The following PCDHA3 variants were observed in gnomAD, a reference collection of about 807,000 sequenced individuals.
PCDHA3 encodes protocadherin alpha-3.
Under a neutral mutation model 62.2 loss-of-function variants are expected in PCDHA3, and 41 were observed. That is an observed-to-expected ratio of 0.66 (90% CI 0.51 to 0.86). The LOEUF (loss-of-function observed/expected upper bound fraction) is 0.86, where lower values mean the gene tolerates loss of function less well. Ranked by LOEUF, PCDHA3 falls within the 40% of genes least tolerant of loss-of-function variation. PCDHA3 has a pLI of 0.00. For missense variants in PCDHA3, 1,304 were observed against 1,241.2 expected (o/e 1.05, Z -0.76); for synonymous variants, 640 against 555.4 (o/e 1.15, Z -2.14).
At position 140,828,520 on chromosome 5, in the gene PCDHA3, C is replaced by T. The variant is rs2150156351; in HGVS notation, c.2394+24929C>T. On this transcript the variant is annotated intron_variant, in intron 1 of 3. Coordinates refer to ENST00000522353, the MANE Select transcript of PCDHA3 (RefSeq NM_018906.3). ...TAGAGGAACAAAGAGTGCTGATTTA[C>T]GAATCTAGGCTGCCAGATTCTGTGT... 3.1e-6 allele frequency: 5 copies of T among 1,614,196 alleles called. No individual in the cohort carries two copies. In the African/African-American group the frequency reaches 4.0e-5, roughly 13 times the overall value.
At chr5:140,841,297 T>A (rs2150312765) in intron 1 of PCDHA3, 1 of 1,566,194 alleles carries the variant, frequency 6.4e-7, no homozygotes, top group South Asian at 1.2e-5. Flanking sequence ...AGATAATATT[T>A]TCTGATAGGA....
At chr5:140,997,911 C>T (rs2097790216) in intron 3 of PCDHA3, among the ~76,000 whole-genome samples, 1 of 152,120 alleles carries the variant, frequency 6.6e-6, no homozygotes, top group East Asian at 1.9e-4. Context: ...AGTAGAATTA[C>T]AGAATCATAG....
rs116160554 is a variant in PCDHA3, at chr5:140,845,319, C to A, written c.2394+41728C>A. Among the ~76,000 whole-genome samples the A allele has an allele frequency of 3.7e-3, 557 of 149,574 alleles. 34 individuals carry two copies. Among genetic ancestry groups the A allele is most frequent in the African/African-American group, 0.011 (448 of 40,946 alleles). ...ATGTCTACCTGGTTCTCAGGTATTA[C>A]TTTAATTACTGAATTCTCCTAAACA... On this transcript the variant is annotated intron_variant, in intron 1 of 3. Coordinates refer to ENST00000522353, the MANE Select transcript of PCDHA3 (RefSeq NM_018906.3).
chr5:140,995,709 G>C (rs1279829164), intron 3 of PCDHA3, among the ~76,000 whole-genome samples: 6 of 152,162 alleles, frequency 3.9e-5, no homozygotes, highest in African/African-American at 1.4e-4. Flanking sequence ...GCTGGGCTTG[G>C]AAATGTTCTT....
rs549701659 is a variant in PCDHA3 at position 140,937,333 on chromosome 5, G to C, written c.2395-41616G>C. On this transcript the variant is annotated intron_variant, in intron 1 of 3. Transcript: ENST00000522353. ...ATTACAGGCGTGAGCCACCGCGCCCGGCTTCTTCCATTTATTTTATTATTT... is the reference window on the plus strand; with the variant it reads ...ATTACAGGCGTGAGCCACCGCGCCCCGCTTCTTCCATTTATTTTATTATTT... Among the ~76,000 whole-genome samples the C allele has an allele frequency of 2.8e-3, 423 of 151,952 alleles. 2 individuals carry two copies. Among genetic ancestry groups the C allele is most frequent in the Middle Eastern group, 0.014 (4 of 294 alleles).
intron 1 of PCDHA3, chr5:140,825,350 T>C (rs548495464): frequency 2.0e-5 from 3 of 147,632 alleles, no homozygotes; most frequent in Non-Finnish European, 4.5e-5. Flanking sequence ...ATATATCTAA[T>C]ATATATTAGA....
intron 1 of PCDHA3, chr5:140,877,134 C>T (rs1339173132): frequency 1.4e-5 from 22 of 1,613,594 alleles, no homozygotes; most frequent in Non-Finnish European, 1.8e-5. Flanking sequence ...TGCAGGTGTT[C>T]GTGCTGGACG....
intron 3 of PCDHA3, among the ~76,000 whole-genome samples, chr5:140,985,279 A>G (rs1168353248): frequency 1.3e-5 from 2 of 152,150 alleles, no homozygotes; most frequent in Non-Finnish European, 2.9e-5. Context: ...CTTTTCTGCA[A>G]TCTATGATAT....
intron 1 of PCDHA3, among the ~76,000 whole-genome samples, chr5:140,977,127 C>T (rs1197401904): frequency 6.6e-6 from 1 of 152,168 alleles, no homozygotes; most frequent in East Asian, 1.9e-4. Flanking sequence ...AACTGAGTTT[C>T]CTGGTCAGTC....
In PCDHA3 at chr5:140,801,791, A is replaced by G; in HGVS notation, c.594A>G (p.Lys198=). 1 of 1,614,032 alleles carries G rather than the reference A, an allele frequency of 6.2e-7. No individual in the cohort carries two copies. The highest frequency in any genetic ancestry group is 8.5e-7 in the Non-Finnish European group (1 of 1,180,014). Residue 198 remains lysine (K), a synonymous_variant, in exon 1 of 4, where the codon AAA becomes AAG. Coordinates refer to ENST00000522353, the MANE Select transcript of PCDHA3 (RefSeq NM_018906.3). ...AATCCCTTGGACTCGTGTTGAAAAA[A>G]AATTTAAATCGAGAGGACACTCCTA... ...EIKSLGLVLK[K]NLNREDTPKH...
intron 1 of PCDHA3, chr5:140,870,012 C>T (rs2051581500): frequency 6.2e-7 from 1 of 1,613,354 alleles, no homozygotes; most frequent in African/African-American, 1.3e-5. Context: ...AAGTGAGGGT[C>T]AATGGAACTT....
intron 1 of PCDHA3, chr5:140,926,768 C>T: frequency 2.2e-6 from 3 of 1,361,764 alleles, no homozygotes; most frequent in Non-Finnish European, 2.9e-6. Context: ...GTATCCAGCC[C>T]GCAGCAGTGA....
In PCDHA3 at chr5:140,835,797, T is replaced by C. The variant is rs145155815; in HGVS notation, c.2394+32206T>C. ...CGTGAAGGAGAACAACCCGCCGGGC[T>C]GCCACATCTTCACTGTGTCGGCGGG... On this transcript the variant is annotated intron_variant, in intron 1 of 3. Coordinates refer to ENST00000522353, the MANE Select transcript of PCDHA3 (RefSeq NM_018906.3). 2.2e-3 allele frequency: 3,620 copies of C among 1,613,086 alleles called. 43 individuals carry two copies. Among genetic ancestry groups the C allele is most frequent in the Middle Eastern group, 8.4e-3 (47 of 5,592 alleles).
At chr5:140,824,186 A>G in intron 1 of PCDHA3, 1 of 1,603,756 alleles carries the variant, frequency 6.2e-7, no homozygotes, top group Non-Finnish European at 8.5e-7. Flanking sequence ...ATTAAATGTC[A>G]CATTCACCCA....
chr5:140,913,531 A>T (rs1451484656), intron 1 of PCDHA3, among the ~76,000 whole-genome samples: 1 of 151,914 alleles, frequency 6.6e-6, no homozygotes, highest in Admixed American at 6.6e-5. Flanking sequence ...TTTTCAAAAG[A>T]TTGACTTTTT....
At chr5:140,869,511 A>C in intron 1 of PCDHA3, 1 of 1,614,194 alleles carries the variant, frequency 6.2e-7, no homozygotes, top group Non-Finnish European at 8.5e-7. Context: ...TCTCGCTCAG[A>C]GAACAAAAGC....
Position 140,924,728 on chromosome 5 carries a change from C to G in PCDHA3, c.2395-54221C>G, listed in dbSNP as rs191622894. Among the ~76,000 whole-genome samples, 1,223 of 151,892 alleles carry G rather than the reference C, an allele frequency of 8.1e-3. 6 individuals carry two copies. The highest frequency in any genetic ancestry group is 0.019 in the African/African-American group (789 of 41,420). ...TGTGCAACATGGCGAAACCTCACCT[C>G]TAATAAAAATACAAAAATTAACCGA... On this transcript the variant is annotated intron_variant, in intron 1 of 3. Transcript: ENST00000522353.
At chr5:141,007,395 C>CAAAAAAAAAAAAA (rs35800918) in intron 3 of PCDHA3, among the ~76,000 whole-genome samples, 1 of 94,866 alleles carries the variant, frequency 1.1e-5, no homozygotes. Flanking sequence ...TACTAAAATA[C>CAAAAAAAAAAAAA]AAAAAAAAAA....
At position 140,856,335 on chromosome 5, in the gene PCDHA3, G is replaced by C; in HGVS notation, c.2394+52744G>C. ...CGGATTGACCGCGAGGAGCTGTGCG[G>C]GCGGAGCGTGGAGTGCAGCATCCAC... On this transcript the variant is annotated intron_variant, in intron 1 of 3. Transcript: ENST00000522353. 3 of 1,598,610 alleles carry C rather than the reference G, an allele frequency of 1.9e-6. 1 individual carries two copies. The highest frequency in any genetic ancestry group is 2.6e-6 in the Non-Finnish European group (3 of 1,168,024).
Sources: allele counts gnomAD v4.1 joint callset (sites outside exome capture counted in the v4.1 genomes callset), GRCh38; gene constraint gnomAD v4.1.1; transcripts MANE v1.5; gene names NCBI Gene and HGNC (gene_info 2026-07-23, HGNC 2026-07-21).